The following SNX29 variants were observed in gnomAD, a reference collection of about 807,000 sequenced individuals.
SNX29 encodes the protein sorting nexin-29.
Under a neutral mutation model 102.1 loss-of-function variants are expected in SNX29, and 78 were observed. The ratio of observed to expected loss-of-function variants is 0.76; its 90% CI spans 0.64 to 0.92. The LOEUF (loss-of-function observed/expected upper bound fraction) is 0.92. Among genes scored for constraint, SNX29 ranks in the 40% least tolerant of loss-of-function variants. SNX29 has a pLI of 0.00. For missense variants in SNX29, 1,280 were observed against 1,061.7 expected, an observed-to-expected ratio of 1.21 and a Z score of -2.86; for synonymous variants, 580 against 414.5, an observed-to-expected ratio of 1.40 and a Z score of -4.85.
intron 20 of SNX29, chr16:12,526,714 C>A: frequency 4.1e-6 from 2 of 482,756 alleles, no homozygotes; most frequent in South Asian, 3.6e-5. Flanking sequence ...GCCAGTTGTT[C>A]CTAAGATACT....
intron 15 of SNX29, among the ~76,000 whole-genome samples, chr16:12,303,356 G>C (rs2080242486): frequency 6.6e-6 from 1 of 152,206 alleles, no homozygotes; most frequent in Non-Finnish European, 1.5e-5. Flanking sequence ...CCATCGATAA[G>C]AGAGTCGATT....
chr16:12,355,876 AGAG>A (rs1371457864), intron 15 of SNX29, among the ~76,000 whole-genome samples: 6 of 129,664 alleles, frequency 4.6e-5, no homozygotes, highest in Admixed American at 3.2e-4. Context: ...AAAAAAAAAA[AGAG>A]AGAGGAAAAA....
intron 20 of SNX29, 38 bp from the exon 21 acceptor site, chr16:12,568,468 T>G: frequency 1.2e-6 from 2 of 1,605,090 alleles, no homozygotes; most frequent in Non-Finnish European, 1.7e-6. Flanking sequence ...TTGCTTTTCA[T>G]CCCCAGACTT....
intron 3 of SNX29, among the ~76,000 whole-genome samples, chr16:12,019,894 C>T (rs1204249471): frequency 1.3e-5 from 2 of 152,122 alleles, no homozygotes; most frequent in East Asian, 3.9e-4. Flanking sequence ...GCCTTGGCCT[C>T]CCAAAGCACT....
chr16:12,439,578 G>T (rs1419148713), intron 18 of SNX29, among the ~76,000 whole-genome samples: 2 of 152,200 alleles, frequency 1.3e-5, no homozygotes, highest in East Asian at 3.9e-4. Context: ...AAAAGCATCA[G>T]ATCTCGTGAG....
chr16:12,438,757 C>G (rs1181593555), intron 18 of SNX29, among the ~76,000 whole-genome samples: 2 of 152,166 alleles, frequency 1.3e-5, no homozygotes, highest in African/African-American at 4.8e-5. Flanking sequence ...CAGAAGAGGT[C>G]ACATTTGAAC....
intron 18 of SNX29, among the ~76,000 whole-genome samples, chr16:12,406,467 A>G (rs1021969375): frequency 6.6e-6 from 1 of 152,226 alleles, no homozygotes; most frequent in African/African-American, 2.4e-5. Context: ...AAGGAAACCA[A>G]GGGCATAACC....
chr16:12,559,482 G>A (rs1388613144), intron 20 of SNX29, among the ~76,000 whole-genome samples: 1 of 151,710 alleles, frequency 6.6e-6, no homozygotes, highest in Non-Finnish European at 1.5e-5. Flanking sequence ...TTTTTTCCAT[G>A]TAGTAATAAT....
intron 18 of SNX29, among the ~76,000 whole-genome samples, chr16:12,458,816 G>C (rs2086645592): frequency 1.3e-5 from 2 of 152,172 alleles, no homozygotes; most frequent in Admixed American, 6.5e-5. Flanking sequence ...CAGCTCATTG[G>C]CCCAGAGTGA....
At chr16:12,257,342 G>A (rs368382615) in intron 14 of SNX29, among the ~76,000 whole-genome samples, 2 of 152,142 alleles carry the variant, frequency 1.3e-5, no homozygotes, top group African/African-American at 2.4e-5. Flanking sequence ...AAGGGCTCAC[G>A]TCATTAGATT....
chr16:12,176,642 TTACAAA>T (rs1274232106), intron 13 of SNX29, among the ~76,000 whole-genome samples: 1 of 152,206 alleles, frequency 6.6e-6, no homozygotes, highest in African/African-American at 2.4e-5. Context: ...TTTAGGCTAT[TTACAAA>T]TACTGTGCCA....
At chr16:12,241,689 T>C (rs547471106) in intron 14 of SNX29, among the ~76,000 whole-genome samples, 5 of 152,312 alleles carry the variant, frequency 3.3e-5, no homozygotes, top group African/African-American at 1.2e-4. Context: ...CTCAAACTCC[T>C]GACCTCAAGT....
chr16:12,371,015 G>T (rs1316225878), intron 16 of SNX29, among the ~76,000 whole-genome samples: 2 of 152,202 alleles, frequency 1.3e-5, no homozygotes, highest in African/African-American at 4.8e-5. Flanking sequence ...CAGCTTTCTT[G>T]CCCATGAGGT....
chr16:12,568,856 A>C lies in SNX29; in HGVS notation c.*227A>C. 2 of 641,464 alleles carry C rather than the reference A, an allele frequency of 3.1e-6. No individual in the cohort carries two copies. The highest frequency in any genetic ancestry group is 5.2e-6 in the Non-Finnish European group (2 of 387,982). 39.7% of individuals were successfully genotyped at this position (641,464 alleles called of 1,614,324 possible). ...GCAGCACCTCGCTGGAGAGACTGGGACACACAGTCCTTCTGCTTCTGGGGT... is the reference window on the plus strand; with the variant it reads ...GCAGCACCTCGCTGGAGAGACTGGGCCACACAGTCCTTCTGCTTCTGGGGT... On this transcript the variant is annotated 3_prime_UTR_variant, in exon 21 of 21. Transcript: ENST00000566228.
At chr16:12,486,954 A>G (rs78773859) in intron 19 of SNX29, among the ~76,000 whole-genome samples, 1,973 of 152,324 alleles carry the variant, frequency 0.013, 41 homozygotes, top group East Asian at 0.074. Flanking sequence ...TACCAACTCT[A>G]TAAGTAAGAG....
intron 15 of SNX29, among the ~76,000 whole-genome samples, chr16:12,347,209 G>A (rs1280628937): frequency 6.6e-6 from 1 of 151,772 alleles, no homozygotes; most frequent in Non-Finnish European, 1.5e-5. Context: ...TGCAGACAGA[G>A]CCTACACAGC....
At chr16:12,171,093 C>G (rs1337309436) in intron 13 of SNX29, among the ~76,000 whole-genome samples, 4 of 152,078 alleles carry the variant, frequency 2.6e-5, no homozygotes, top group Non-Finnish European at 5.9e-5. Flanking sequence ...GTCTATAATT[C>G]CTTCTCTAGC....
chr16:12,485,480 A>G (rs2088182669), intron 19 of SNX29, among the ~76,000 whole-genome samples: 1 of 152,214 alleles, frequency 6.6e-6, no homozygotes, highest in Non-Finnish European at 1.5e-5. Flanking sequence ...TTATGCATTA[A>G]AATCCTCATT....
chr16:12,366,741 G>T (rs2082497768), intron 16 of SNX29, among the ~76,000 whole-genome samples: 1 of 151,958 alleles, frequency 6.6e-6, no homozygotes, highest in Non-Finnish European at 1.5e-5. Context: ...TTTCTTCTTT[G>T]GTCTCTGTGT....
Sources: allele counts gnomAD v4.1 joint callset (sites outside exome capture counted in the v4.1 genomes callset), GRCh38; gene constraint gnomAD v4.1.1; transcripts MANE v1.5; gene names NCBI Gene and HGNC (gene_info 2026-07-23, HGNC 2026-07-21).